C6: variants seen among roughly 807,000 people sequenced by gnomAD.
C6 encodes the protein complement C6, also known as complement component C6.
Under a neutral mutation model 112.9 loss-of-function variants are expected in C6, and 101 were observed. That is an observed-to-expected ratio of 0.89 (90% CI 0.76 to 1.06). The LOEUF is 1.06. C6 is among the 50% of genes least tolerant of loss of function. The pLI, the probability that C6 is intolerant of heterozygous loss-of-function variation, is 0.00. For missense variants in C6, 1,202 were observed against 1,104.6 expected, an observed-to-expected ratio of 1.09 and a Z score of -1.25; for synonymous variants, 431 against 384.1, an observed-to-expected ratio of 1.12 and a Z score of -1.43.
At position 41,176,552 on chromosome 5, in the gene C6, T is replaced by C. The variant is rs201216131; in HGVS notation, c.1091A>G (p.His364Arg). 18 of 1,613,892 alleles carry C rather than the reference T, an allele frequency of 1.1e-5. No homozygotes were observed. The Admixed American group carries it at 2.7e-4, about 24-fold the overall frequency. Reference sequence around the variant, plus strand: ...TCCCAGGGAGCCAGAGGTGAAGTAATGAGTCCCAAAGTCATCGAATATTCG... The same window carrying C: ...TCCCAGGGAGCCAGAGGTGAAGTAACGAGTCCCAAAGTCATCGAATATTCG... ...YSRIFDDFGT[H>R]YFTSGSLGGV... Residue 364 changes from histidine to arginine, a missense_variant, in exon 8 of 18, where the codon CAT (histidine) becomes CGT (arginine). Transcript: ENST00000337836.
intron 8 of C6, chr5:41,172,745 A>T (rs1237111628): frequency 3.5e-6 from 1 of 288,172 alleles, no homozygotes; most frequent in East Asian, 8.1e-5. Flanking sequence ...AAATCAAAAG[A>T]TTATGACGTG....
upstream of C6, among the ~76,000 whole-genome samples, chr5:41,214,799 A>T (rs919747062): frequency 5.3e-5 from 8 of 152,204 alleles, no homozygotes; most frequent in African/African-American, 1.9e-4. Context: ...GTCATAATAC[A>T]GAGAGATGCA....
intron 4 of C6, 138 bp downstream of exon 4, chr5:41,199,630 C>G (rs1750856546): frequency 2.3e-6 from 2 of 880,362 alleles, no homozygotes; most frequent in Admixed American, 3.5e-5. Flanking sequence ...GAATTGGCAG[C>G]ATAACATTCC....
chr5:41,218,403 T>A (rs1015992755), upstream of C6, among the ~76,000 whole-genome samples: 2 of 151,980 alleles, frequency 1.3e-5, no homozygotes, highest in Non-Finnish European at 2.9e-5. Context: ...GAAAAAAAAA[T>A]CCTGCCTTTG....
chr5:41,189,892 T>G (rs1461458525), intron 5 of C6, among the ~76,000 whole-genome samples: 1 of 152,170 alleles, frequency 6.6e-6, no homozygotes, highest in Non-Finnish European at 1.5e-5. Context: ...CTGGCTTATT[T>G]CACTTAATAT....
chr5:41,143,597 C>T lies in C6; in HGVS notation c.2624-591G>A, dbSNP rs1419547725. 3.3e-5 allele frequency among the ~76,000 whole-genome samples: 5 copies of T among 152,146 alleles called. No individual in the cohort carries two copies. The East Asian group carries it at 9.6e-4, about 29-fold the overall frequency. On this transcript the variant is annotated intron_variant, in intron 17 of 17. Coordinates refer to ENST00000337836, the MANE Select transcript of C6 (RefSeq NM_000065.5). ...CCCTTACAGCAAACATATGAATAGG[C>T]TATCATACTAATTCTACAGAAGAGG...
chr5:41,249,646 T>C (rs1741223392), intron 1 of C6, among the ~76,000 whole-genome samples: 1 of 152,184 alleles, frequency 6.6e-6, no homozygotes. Context: ...CACAGCTCAA[T>C]CTATCATACC....
intron 1 of C6, among the ~76,000 whole-genome samples, chr5:41,260,268 CCA>C (rs145617888): frequency 1.3e-5 from 2 of 150,866 alleles, no homozygotes; most frequent in Non-Finnish European, 1.5e-5. Context: ...CACAAACACA[CCA>C]CACACACACA....
chr5:41,255,955 T>A (rs937118273), intron 1 of C6, among the ~76,000 whole-genome samples: 4 of 152,126 alleles, frequency 2.6e-5, no homozygotes, highest in African/African-American at 7.2e-5. Context: ...AAGTATGGGG[T>A]TACATTCCCA....
At chr5:41,217,134 C>T (rs1459196631), upstream of C6, among the ~76,000 whole-genome samples, 4 of 152,198 alleles carry the variant, frequency 2.6e-5, no homozygotes, top group South Asian at 2.1e-4. Flanking sequence ...TCTTTGGGGG[C>T]CATTCCAAAT....
intron 4 of C6, among the ~76,000 whole-genome samples, 157 bp from the exon 5 acceptor site, chr5:41,196,090 A>G (rs1750597253): frequency 1.3e-5 from 2 of 152,214 alleles, no homozygotes; most frequent in African/African-American, 4.8e-5. Flanking sequence ...AAATGGAGCG[A>G]TAAACTGATA....
At chr5:41,231,696 A>AT (rs1739909792) in intron 1 of C6, among the ~76,000 whole-genome samples, 1 of 152,002 alleles carries the variant, frequency 6.6e-6, no homozygotes, top group South Asian at 2.1e-4. Flanking sequence ...AATTAGACTT[A>AT]TTTTAAAGTA....
At chr5:41,252,773 A>G (rs948843594) in intron 1 of C6, among the ~76,000 whole-genome samples, 3 of 152,304 alleles carry the variant, frequency 2.0e-5, no homozygotes, top group South Asian at 2.1e-4. Context: ...CTTCATCTAC[A>G]TAACAAGAAC....
chr5:41,148,355 T>C (rs1199650983), intron 17 of C6, among the ~76,000 whole-genome samples: 1 of 152,130 alleles, frequency 6.6e-6, no homozygotes, highest in Non-Finnish European at 1.5e-5. Flanking sequence ...TAGAATAACA[T>C]GTAGAGTATG....
chr5:41,150,454 A>G (rs532399823), intron 15 of C6, among the ~76,000 whole-genome samples: 1 of 152,234 alleles, frequency 6.6e-6, no homozygotes, highest in South Asian at 2.1e-4. Context: ...TAATATAAAT[A>G]TAGAATTGTT....
At chr5:41,232,417 C>A (rs961890875) in intron 1 of C6, among the ~76,000 whole-genome samples, 1 of 152,060 alleles carries the variant, frequency 6.6e-6, no homozygotes, top group Non-Finnish European at 1.5e-5. Flanking sequence ...TTTGTCTTAA[C>A]CACATGGATT....
At chr5:41,238,881 T>TG (rs200034043) in intron 1 of C6, among the ~76,000 whole-genome samples, 1,529 of 152,194 alleles carry the variant, frequency 0.01, 33 homozygotes, top group African/African-American at 0.035. Context: ...TTAATTTAAA[T>TG]TGGGTTCATA....
chr5:41,177,157 G>T (rs577133075), intron 7 of C6, among the ~76,000 whole-genome samples: 1 of 152,282 alleles, frequency 6.6e-6, no homozygotes, highest in African/African-American at 2.4e-5. Context: ...TTACAGCTTT[G>T]TCATTCTGGA....
In C6 at chr5:41,201,625, C is replaced by T. The variant is rs1397496150; in HGVS notation, c.233G>A (p.Cys78Tyr). Reference protein sequence around the residue: ...QETRECNWQRCPINCLLGDFG... With the variant: ...QETRECNWQRYPINCLLGDFG... Reference sequence around the variant, plus strand: ...ATCTCCCAGGAGGCAGTTGATGGGGCATCTTTGCCAGTTACATTCTCTAGT... The same window carrying T: ...ATCTCCCAGGAGGCAGTTGATGGGGTATCTTTGCCAGTTACATTCTCTAGT... Residue 78 changes from cysteine to tyrosine, a missense_variant, in exon 3 of 18, where the codon TGC becomes TAC. Coordinates refer to ENST00000337836, the MANE Select transcript of C6 (RefSeq NM_000065.5). The T allele has an allele frequency of 6.2e-7, 1 of 1,613,666 alleles. No homozygotes were observed. Among genetic ancestry groups the T allele is most frequent in the Non-Finnish European group, 8.5e-7 (1 of 1,179,850 alleles).
Sources: allele counts gnomAD v4.1 joint callset (sites outside exome capture counted in the v4.1 genomes callset), GRCh38; gene constraint gnomAD v4.1.1; transcripts MANE v1.5; gene names NCBI Gene and HGNC (gene_info 2026-07-23, HGNC 2026-07-21).